The following SNAP91 variants were observed in gnomAD, a reference collection of about 807,000 sequenced individuals.
The protein encoded by SNAP91 is synaptosome associated protein 91, also known as clathrin coat assembly protein AP180.
Under a neutral mutation model 100.3 loss-of-function variants are expected in SNAP91, and 27 were observed. The observed-to-expected ratio is 0.27, with a 90% CI of 0.20 to 0.37. SNAP91 has a LOEUF of 0.37. Among genes scored for constraint, SNAP91 ranks in the 10% least tolerant of loss-of-function variants. The pLI, the probability that SNAP91 is intolerant of heterozygous loss-of-function variation, is 1.00. For missense variants in SNAP91, 986 were observed against 1,123.7 expected, an observed-to-expected ratio of 0.88 and a Z score of 1.75; for synonymous variants, 404 against 398.6, an observed-to-expected ratio of 1.01 and a Z score of -0.16.
chr6:83,623,761 G>C (rs532480506), intron 8 of SNAP91, among the ~76,000 whole-genome samples: 2 of 152,006 alleles, frequency 1.3e-5, no homozygotes, highest in Non-Finnish European at 2.9e-5. Context: ...TTCTCCCACA[G>C]ACCTAACTTT....
chr6:83,653,564 T>C (rs2128669567), intron 7 of SNAP91, among the ~76,000 whole-genome samples: 1 of 152,294 alleles, frequency 6.6e-6, no homozygotes, highest in South Asian at 2.1e-4. Context: ...TTAATCATAA[T>C]TGCTTTAAAT....
At chr6:83,630,062 G>A (rs944313359) in intron 8 of SNAP91, among the ~76,000 whole-genome samples, 2 of 151,986 alleles carry the variant, frequency 1.3e-5, no homozygotes, top group African/African-American at 4.8e-5. Context: ...AATCATAAAC[G>A]GATGCTGGAA....
In SNAP91 at chr6:83,700,912, A is replaced by G. The variant is rs539749816; in HGVS notation, c.130+6886T>C. 2.6e-4 allele frequency among the ~76,000 whole-genome samples: 39 copies of G among 152,296 alleles called. No homozygotes were observed. The South Asian group carries it at 6.2e-3, about 24-fold the overall frequency. On this transcript the variant is annotated intron_variant, in intron 2 of 29. Coordinates refer to ENST00000369694, the MANE Select transcript of SNAP91 (RefSeq NM_001242792.2). ...TGCATCCAGCTCAGAGGGTGTTTAAATAATTATCACTCACTGGATTTGAGG... is the reference window on the plus strand; with the variant it reads ...TGCATCCAGCTCAGAGGGTGTTTAAGTAATTATCACTCACTGGATTTGAGG...
intron 8 of SNAP91, among the ~76,000 whole-genome samples, chr6:83,635,941 T>C (rs957331145): frequency 6.6e-6 from 1 of 152,198 alleles, no homozygotes; most frequent in Non-Finnish European, 1.5e-5. Context: ...CTTAGTTTGG[T>C]AGGTTATGAA....
intron 26 of SNAP91, among the ~76,000 whole-genome samples, chr6:83,567,914 A>T (rs1457431006): frequency 6.6e-6 from 1 of 152,090 alleles, no homozygotes; most frequent in East Asian, 1.9e-4. Flanking sequence ...AAACTAGTTC[A>T]ACCATTGTGG....
chr6:83,610,624 AC>A, intron 12 of SNAP91, 25 bp downstream of exon 12: 1 of 605,818 alleles, frequency 1.7e-6, no homozygotes, highest in Non-Finnish European at 3.1e-6. Context: ...AAAAACAAAA[AC>A]CCCCAAACAA....
chr6:83,662,299 C>T, intron 4 of SNAP91, 48 bp downstream of exon 4: 1 of 843,162 alleles, frequency 1.2e-6, no homozygotes, highest in Non-Finnish European at 1.7e-6. Flanking sequence ...AGCCTCACTT[C>T]AAAAATCAAA....
At chr6:83,555,223 G>GAA (rs11446161) in intron 29 of SNAP91, among the ~76,000 whole-genome samples, 6,423 of 148,472 alleles carry the variant, frequency 0.043, 191 homozygotes, top group Non-Finnish European at 0.07. Flanking sequence ...TCTTGTATAA[G>GAA]AAAAAAAAAA....
intron 2 of SNAP91, among the ~76,000 whole-genome samples, chr6:83,688,667 C>CAAAAATAAA (rs2099093604): frequency 6.6e-6 from 1 of 152,048 alleles, no homozygotes; most frequent in Non-Finnish European, 1.5e-5. Context: ...TCACACCCAG[C>CAAAAATAAA]TAAATTTTTT....
At chr6:83,699,499 G>T (rs1026730927) in intron 2 of SNAP91, among the ~76,000 whole-genome samples, 1 of 152,034 alleles carries the variant, frequency 6.6e-6, no homozygotes, top group African/African-American at 2.4e-5. Context: ...GAACAGAAAA[G>T]AAAGCATTAG....
chr6:83,562,844 C>T (rs1423546606), intron 26 of SNAP91, among the ~76,000 whole-genome samples: 2 of 152,206 alleles, frequency 1.3e-5, no homozygotes, highest in East Asian at 3.9e-4. Context: ...CTCTCTTTTG[C>T]TCCTACCCAC....
intron 7 of SNAP91, among the ~76,000 whole-genome samples, chr6:83,654,877 G>C (rs1204347542): frequency 6.6e-6 from 1 of 152,158 alleles, no homozygotes; most frequent in East Asian, 1.9e-4. Context: ...CTCATAGGCA[G>C]CTACAGAACT....
chr6:83,660,746 A>AT (rs1459911807), intron 5 of SNAP91, among the ~76,000 whole-genome samples: 3 of 152,062 alleles, frequency 2.0e-5, no homozygotes, highest in Admixed American at 6.6e-5. Context: ...CAATTAAAAA[A>AT]AAAATATTTA....
intron 11 of SNAP91, among the ~76,000 whole-genome samples, 155 bp downstream of exon 11, chr6:83,614,702 G>A (rs1026255353): frequency 6.6e-6 from 1 of 152,052 alleles, no homozygotes; most frequent in African/African-American, 2.4e-5. Context: ...GTCAACTTGG[G>A]AGACAAAAAT....
At chr6:83,572,663 T>G (rs1810410340) in intron 26 of SNAP91, among the ~76,000 whole-genome samples, 1 of 152,192 alleles carries the variant, frequency 6.6e-6, no homozygotes, top group Non-Finnish European at 1.5e-5. Context: ...CTACCAGTGA[T>G]TGTTCTGAAA....
intron 2 of SNAP91, among the ~76,000 whole-genome samples, chr6:83,680,024 C>T (rs2098965373): frequency 6.6e-6 from 1 of 152,056 alleles, no homozygotes; most frequent in Admixed American, 6.5e-5. Context: ...TATAAGGACA[C>T]CTCTTAATAT....
intron 8 of SNAP91, among the ~76,000 whole-genome samples, chr6:83,639,623 A>T (rs982429567): frequency 6.6e-6 from 1 of 152,160 alleles, no homozygotes; most frequent in Non-Finnish European, 1.5e-5. Context: ...GACAAAAAGT[A>T]AAATTTTACA....
At chr6:83,583,538 C>T (rs1382129591) in intron 22 of SNAP91, among the ~76,000 whole-genome samples, 3 of 152,162 alleles carry the variant, frequency 2.0e-5, no homozygotes, top group Admixed American at 6.5e-5. Context: ...AAGCAGAGAT[C>T]ACTCTGCATT....
chr6:83,694,342 T>C (rs1027008991), intron 2 of SNAP91, among the ~76,000 whole-genome samples: 1 of 152,174 alleles, frequency 6.6e-6, no homozygotes, highest in African/African-American at 2.4e-5. Flanking sequence ...GCCAGATGCA[T>C]AGATGACAGT....
Sources: gnomAD v4.1 joint callset for allele counts (sites outside exome capture counted in the v4.1 genomes callset) on GRCh38, gnomAD v4.1.1 for gene constraint, MANE v1.5 for transcripts, NCBI Gene and HGNC (gene_info 2026-07-23, HGNC 2026-07-21) for gene names.